Variants in DNAH12 observed in about 807,000 individuals in gnomAD.
DNAH12 encodes the protein axonemal beta dynein heavy chain 12.
In DNAH12, 285 loss-of-function variants were observed where a neutral mutation model predicts 371.5. The observed-to-expected ratio is 0.77, with a 90% confidence interval of 0.70 to 0.85. DNAH12 has a LOEUF of 0.85. DNAH12 is among the 40% of genes least tolerant of loss of function. The pLI is 0.00. For synonymous variants in DNAH12, 1,200 were observed against 1,213.0 expected, an observed-to-expected ratio of 0.99 and a Z score of 0.22; for missense variants, 3,611 against 3,689.4, an observed-to-expected ratio of 0.98 and a Z score of 0.55.
intron 4 of DNAH12, among the ~76,000 whole-genome samples, chr3:57,522,957 C>G (rs2068505212): frequency 6.6e-6 from 1 of 151,754 alleles, no homozygotes; most frequent in South Asian, 2.1e-4. Context: ...CAATTATTAC[C>G]CTAATGAAAA....
chr3:57,394,747 T>G (rs992658602), intron 43 of DNAH12, among the ~76,000 whole-genome samples: 1 of 151,960 alleles, frequency 6.6e-6, no homozygotes, highest in African/African-American at 2.4e-5. Context: ...TGGAGGAGAG[T>G]TGTGTCAGGA....
intron 34 of DNAH12, among the ~76,000 whole-genome samples, chr3:57,426,828 G>T (rs1206039926): frequency 3.2e-5 from 3 of 92,966 alleles, no homozygotes; most frequent in East Asian, 4.3e-4. Flanking sequence ...GACTGTCTCA[G>T]AAAAAAAAAA....
At chr3:57,487,701 T>C (rs144357372) in intron 12 of DNAH12, among the ~76,000 whole-genome samples, 99 of 152,232 alleles carry the variant, frequency 6.5e-4, no homozygotes, top group African/African-American at 2.3e-3. Context: ...ACAGGAGGAA[T>C]CAAAGAATAA....
intron 72 of DNAH12, among the ~76,000 whole-genome samples, chr3:57,295,992 C>A (rs899795495): frequency 1.3e-5 from 2 of 152,036 alleles, no homozygotes; most frequent in African/African-American, 4.8e-5. Context: ...AAAAGGTTTC[C>A]CATTCACTAA....
intron 62 of DNAH12, among the ~76,000 whole-genome samples, chr3:57,326,251 T>A (rs902978725): frequency 6.6e-6 from 1 of 151,582 alleles, no homozygotes; most frequent in Non-Finnish European, 1.5e-5. Flanking sequence ...CCAAGACACA[T>A]AATTGTCAGA....
At chr3:57,491,081 C>CAAAAAAAAAAAAAA (rs553885449) in intron 11 of DNAH12, among the ~76,000 whole-genome samples, 6 of 70,390 alleles carry the variant, frequency 8.5e-5, no homozygotes, top group Non-Finnish European at 1.7e-4. Context: ...GACTCTATCT[C>CAAAAAAAAAAAAAA]AAAAAAAAAA....
chr3:57,477,387 G>A (rs1031345123), intron 13 of DNAH12, among the ~76,000 whole-genome samples: 27 of 152,166 alleles, frequency 1.8e-4, no homozygotes, highest in African/African-American at 5.3e-4. Context: ...AGGGGCGCCC[G>A]CCATTGCCGA....
At chr3:57,304,671 G>C (rs534021768) in intron 69 of DNAH12, among the ~76,000 whole-genome samples, 9 of 152,254 alleles carry the variant, frequency 5.9e-5, no homozygotes, top group Admixed American at 5.9e-4. Context: ...ACGTTTCAGA[G>C]GTGTCTGACC....
chr3:57,458,272 T>A, intron 20 of DNAH12, 52 bp from the exon 21 acceptor site: 2 of 1,502,232 alleles, frequency 1.3e-6, no homozygotes, highest in Non-Finnish European at 1.8e-6. Flanking sequence ...GATATAATTA[T>A]GACTTAAATA....
chr3:57,392,186 G>A (rs981760766), intron 44 of DNAH12, 120 bp from the exon 45 acceptor site: 1 of 151,948 alleles, frequency 6.6e-6, no homozygotes, highest in Non-Finnish European at 1.5e-5. Context: ...GTAAAATTTT[G>A]GTTTTATATC....
At chr3:57,403,271 G>A in intron 43 of DNAH12, 38 bp downstream of exon 43, 1 of 1,512,018 alleles carries the variant, frequency 6.6e-7, no homozygotes, top group Non-Finnish European at 8.9e-7. Flanking sequence ...AGAATATACT[G>A]TTTTCATTTT....
At chr3:57,513,062 C>T (rs2068054882) in intron 4 of DNAH12, among the ~76,000 whole-genome samples, 1 of 151,372 alleles carries the variant, frequency 6.6e-6, no homozygotes, top group African/African-American at 2.4e-5. Context: ...TGCTTGAATC[C>T]AGGAAGCGGA....
chr3:57,304,280 C>T (rs189721601), intron 69 of DNAH12, among the ~76,000 whole-genome samples: 4 of 152,178 alleles, frequency 2.6e-5, no homozygotes, highest in African/African-American at 2.4e-5. Flanking sequence ...TGCCATGACT[C>T]GGATCGGGGG....
intron 66 of DNAH12, among the ~76,000 whole-genome samples, chr3:57,311,495 T>C (rs1312232769): frequency 6.6e-6 from 1 of 152,256 alleles, no homozygotes; most frequent in Non-Finnish European, 1.5e-5. Context: ...AATTACCAAG[T>C]ATTTTTCATA....
Position 57,420,727 on chromosome 3 carries a change from G to A in DNAH12, c.5562+791C>T, listed in dbSNP as rs915603083. ...GACTGAGACCATCCTGGCTAACACG[G>A]TGAAACCCCGTCTCTACTAAAAATG... is the stretch of plus-strand genomic sequence containing the variant. On this transcript the variant is annotated intron_variant, in intron 36 of 73. Transcript: ENST00000495027. Among the ~76,000 whole-genome samples the A allele has an allele frequency of 2.0e-5, 3 of 151,890 alleles. No homozygotes were observed. In the South Asian group the frequency reaches 6.2e-4, roughly 31 times the overall value.
At chr3:57,359,478 GA>G (rs2062872863) in intron 58 of DNAH12, among the ~76,000 whole-genome samples, 1 of 145,836 alleles carries the variant, frequency 6.9e-6, no homozygotes, top group African/African-American at 2.5e-5. Context: ...AGAATGGCTT[GA>G]ACCCGGGAGG....
intron 2 of DNAH12, among the ~76,000 whole-genome samples, chr3:57,534,310 A>G (rs528323693): frequency 6.6e-6 from 1 of 152,212 alleles, no homozygotes; most frequent in African/African-American, 2.4e-5. Context: ...TATGAAGTTA[A>G]AACAAGGTAT....
At chr3:57,414,106 A>G (rs1354134405) in intron 38 of DNAH12, among the ~76,000 whole-genome samples, 194 bp from the exon 39 acceptor site, 6 of 152,180 alleles carry the variant, frequency 3.9e-5, no homozygotes, top group Non-Finnish European at 2.9e-5. Flanking sequence ...AACACCAGAA[A>G]AAAAAAGTTT....
chr3:57,523,924 T>C (rs771986823), intron 2 of DNAH12, 40 bp from the exon 3 acceptor site: 2 of 1,365,974 alleles, frequency 1.5e-6, no homozygotes, highest in South Asian at 1.3e-5. Context: ...CTTGATAACA[T>C]TAGCATAAGT....
Sources: allele counts gnomAD v4.1 joint callset (sites outside exome capture counted in the v4.1 genomes callset), GRCh38; gene constraint gnomAD v4.1.1; transcripts MANE v1.5; gene names NCBI Gene and HGNC (gene_info 2026-07-23, HGNC 2026-07-21).